Variants in TTC34 observed in about 807,000 individuals in gnomAD.
TTC34 encodes the protein tetratricopeptide repeat protein 34.
In TTC34, 44 loss-of-function variants were observed where a neutral mutation model predicts 40.7. The observed-to-expected ratio is 1.08, with a 90% CI of 0.85 to 1.39. The LOEUF (loss-of-function observed/expected upper bound fraction) is 1.39, where lower values mean the gene tolerates loss of function less well. Ranked by LOEUF, TTC34 falls within the 40% of genes most tolerant of loss-of-function variation. TTC34 has a pLI of 0.00. For synonymous variants in TTC34, 422 were observed against 398.6 expected (o/e 1.06, Z -0.70); for missense variants, 884 against 838.0 (o/e 1.05, Z -0.68).
Position 2,750,311 on chromosome 1 carries a change from A to T in TTC34, c.2226+33298T>A, listed in dbSNP as rs1386845170. Among the ~76,000 whole-genome samples, 24 of 79,108 alleles carry T rather than the reference A, an allele frequency of 3.0e-4. 2 individuals carry two copies. The highest frequency in any genetic ancestry group is 4.5e-4 in the Non-Finnish European group (21 of 46,512). The allele number at this position is 79,108 out of a possible 152,430, so 51.9% of individuals were successfully genotyped here. On this transcript the variant is annotated intron_variant, in intron 6 of 8. Transcript: ENST00000401095. Reference sequence around the variant, plus strand: ...CCAGGTGAGCATCTGACAGACTGGAACTGCACCCCCATGCCCAGGTGAGCC... The same window carrying T: ...CCAGGTGAGCATCTGACAGACTGGATCTGCACCCCCATGCCCAGGTGAGCC...
chr1:2,768,573 C>A (rs1191694454), intron 6 of TTC34, among the ~76,000 whole-genome samples: 10 of 152,052 alleles, frequency 6.6e-5, no homozygotes, highest in South Asian at 2.1e-4. Flanking sequence ...TGGATAGGCA[C>A]TCCACACAGC....
At chr1:2,749,412 G>A (rs1256237623) in intron 6 of TTC34, among the ~76,000 whole-genome samples, 9 of 119,738 alleles carry the variant, frequency 7.5e-5, no homozygotes, top group Admixed American at 2.6e-4. Flanking sequence ...ACCCCCAGGT[G>A]CGCACGTGAC....
chr1:2,751,810 C>T (rs1471299828), intron 6 of TTC34, among the ~76,000 whole-genome samples: 4 of 116,068 alleles, frequency 3.4e-5, no homozygotes. Flanking sequence ...CAGCCACATC[C>T]CCAGGTGAGA....
At chr1:2,643,191 G>C (rs1440916426) in intron 8 of TTC34, among the ~76,000 whole-genome samples, 1 of 152,226 alleles carries the variant, frequency 6.6e-6, no homozygotes, top group Admixed American at 6.5e-5. Context: ...CGCGGCTCGG[G>C]CCGCGCAGGC....
At chr1:2,675,595 A>G (rs1639881619) in intron 6 of TTC34, among the ~76,000 whole-genome samples, 1 of 143,756 alleles carries the variant, frequency 7.0e-6, no homozygotes. Flanking sequence ...CTGGAACGGC[A>G]CCCACAACCC....
chr1:2,693,921 GTGACAGCCTC>G (rs1640742717), intron 6 of TTC34, among the ~76,000 whole-genome samples: 55 of 21,142 alleles, frequency 2.6e-3, no homozygotes, highest in African/African-American at 9.3e-3. Context: ...AGCTGAGCCT[GTGACAGCCTC>G]GAACAGCACC....
At chr1:2,753,060 GGTGA>G (rs1641377869) in intron 6 of TTC34, among the ~76,000 whole-genome samples, 1 of 149,932 alleles carries the variant, frequency 6.7e-6, no homozygotes, top group East Asian at 2.0e-4. Flanking sequence ...CACACCCCCA[GGTGA>G]GCATCTGACA....
chr1:2,641,748 C>G, exon 9 of TTC34: 1 of 1,535,364 alleles, frequency 6.5e-7, no homozygotes, highest in Non-Finnish European at 8.7e-7. Context: ...AGGGCCCGGC[C>G]AAACTCCTGC....
chr1:2,688,383 TC>T (rs1640470280), intron 6 of TTC34, among the ~76,000 whole-genome samples: 6 of 116,118 alleles, frequency 5.2e-5, no homozygotes, highest in Admixed American at 1.8e-4. Flanking sequence ...CAGGTGAGCA[TC>T]TGACAGCCTG....
chr1:2,687,799 A>T (rs1640433284), intron 6 of TTC34, among the ~76,000 whole-genome samples: 1 of 149,396 alleles, frequency 6.7e-6, no homozygotes, highest in South Asian at 2.1e-4. Flanking sequence ...CTGGGTCGGC[A>T]CCCACACCTC....
rs1259533647 is a variant in TTC34, at chr1:2,688,515, G to C, written c.2227-42952C>G. 1.5e-4 allele frequency among the ~76,000 whole-genome samples: 22 copies of C among 146,976 alleles called. 1 individual carries two copies. Among genetic ancestry groups the C allele is most frequent in the Admixed American group, 8.7e-4 (13 of 15,018 alleles). On this transcript the variant is annotated intron_variant, in intron 6 of 8. Transcript: ENST00000401095. Reference sequence around the variant, plus strand: ...CCCACAGGTGAGCATCTGACAGCCTGTAACAGTACCCACACCCACAGGCGA... The same window carrying C: ...CCCACAGGTGAGCATCTGACAGCCTCTAACAGTACCCACACCCACAGGCGA...
chr1:2,761,477 A>G (rs2100462730), intron 6 of TTC34, among the ~76,000 whole-genome samples: 1 of 43,074 alleles, frequency 2.3e-5, no homozygotes, highest in Non-Finnish European at 3.6e-5. Flanking sequence ...CTGGAACAGA[A>G]CCCCACTCTT....
rs77635859 is a variant in TTC34 at position 2,797,106 on chromosome 1, G to A, written c.784+2938C>T. On this transcript the variant is annotated intron_variant, in intron 2 of 8. Coordinates refer to ENST00000401095, the Ensembl canonical transcript of TTC34. ...AGAAGCACAGTATGGAGGGCGGTTA[G>A]GAGCACCCCAGGGGCCAGGTCCTAG... is the stretch of plus-strand genomic sequence containing the variant. Among the ~76,000 whole-genome samples the A allele has an allele frequency of 7.9e-5, 12 of 152,302 alleles. No individual in the cohort carries two copies. The East Asian group carries it at 2.3e-3, about 29-fold the overall frequency.
At chr1:2,685,174 T>C (rs1479555644) in intron 6 of TTC34, among the ~76,000 whole-genome samples, 2 of 131,640 alleles carry the variant, frequency 1.5e-5, no homozygotes, top group Non-Finnish European at 3.1e-5. Context: ...CGTGAGCATC[T>C]GACTGCCTGG....
chr1:2,768,123 C>A (rs953359710), intron 6 of TTC34, among the ~76,000 whole-genome samples: 3 of 151,526 alleles, frequency 2.0e-5, no homozygotes, highest in Non-Finnish European at 1.5e-5. Flanking sequence ...GCGGCACCTG[C>A]ACACTTAGGT....
At chr1:2,674,848 T>C (rs1639836355) in intron 6 of TTC34, among the ~76,000 whole-genome samples, 1 of 98,498 alleles carries the variant, frequency 1.0e-5, no homozygotes, top group East Asian at 2.4e-4. Flanking sequence ...CAACCACAGG[T>C]GAGCATCGTA....
intron 6 of TTC34, among the ~76,000 whole-genome samples, chr1:2,647,450 C>A (rs1447995155): frequency 2.6e-5 from 4 of 152,064 alleles, no homozygotes; most frequent in Admixed American, 2.6e-4. Context: ...TGGTGAAACC[C>A]CGTCTCTACT....
intron 8 of TTC34, among the ~76,000 whole-genome samples, chr1:2,643,473 C>T (rs370695324): frequency 4.6e-5 from 7 of 152,316 alleles, no homozygotes; most frequent in African/African-American, 1.7e-4. Context: ...GGGACCATGG[C>T]CCCAGCCAGG....
At chr1:2,777,502 C>A (rs1222305709) in intron 6 of TTC34, among the ~76,000 whole-genome samples, 1 of 152,118 alleles carries the variant, frequency 6.6e-6, no homozygotes, top group East Asian at 1.9e-4. Flanking sequence ...CCTTTTCCAC[C>A]AGGTGAGCAT....
Sources: allele counts gnomAD v4.1 joint callset (sites outside exome capture counted in the v4.1 genomes callset), GRCh38; gene constraint gnomAD v4.1.1; transcripts MANE v1.5; gene names NCBI Gene and HGNC (gene_info 2026-07-23, HGNC 2026-07-21).